Variants in EIF5A2 observed in about 807,000 individuals in gnomAD.
The protein encoded by EIF5A2 is eukaryotic translation initiation factor 5A2, also known as eukaryotic translation initiation factor 5A-2.
Under a neutral mutation model 16.4 loss-of-function variants are expected in EIF5A2, and 15 were observed. The observed-to-expected ratio is 0.92, with a 90% CI of 0.61 to 1.41. The LOEUF (loss-of-function observed/expected upper bound fraction) is 1.41. Among genes scored for constraint, EIF5A2 ranks in the 40% most tolerant of loss-of-function variants. The probability of loss-of-function intolerance (pLI) is 0.00; values close to 1 mark genes in which losing one functional copy is unlikely to be tolerated. For missense variants in EIF5A2, 144 were observed against 189.5 expected (o/e 0.76, Z 1.41); for synonymous variants, 48 against 61.1 (o/e 0.79, Z 1.00).
In EIF5A2 at chr3:170,892,753, T is replaced by G. The variant is rs1378925835; in HGVS notation, c.*607A>C. On this transcript the variant is annotated 3_prime_UTR_variant, in exon 5 of 5. Transcript: ENST00000295822. ...CCTTCTGCCAACCATAAGAAGGGAC[T>G]AAAACCACCATATAAGGTTACATCA... 2.0e-5 allele frequency: 8 copies of G among 398,504 alleles called. No homozygotes were observed. The highest frequency in any genetic ancestry group is 3.5e-5 in the Non-Finnish European group (8 of 226,072). The allele number at this position is 398,504 out of a possible 1,614,324, so 24.7% of individuals were successfully genotyped here. A position where few individuals can be genotyped will look rare whatever the true frequency, so the allele number is the denominator to read the frequency against.
intron 3 of EIF5A2, 64 bp from the exon 4 acceptor site, chr3:170,894,487 A>T: frequency 1.4e-6 from 2 of 1,470,974 alleles, no homozygotes; most frequent in South Asian, 2.5e-5. Context: ...TAATGCTTAC[A>T]TAGTTAAATT....
intron 3 of EIF5A2, among the ~76,000 whole-genome samples, chr3:170,904,653 T>G (rs879297082): frequency 5.9e-5 from 9 of 152,084 alleles, no homozygotes; most frequent in Non-Finnish European, 1.2e-4. Context: ...TACACCACCA[T>G]GCCTCGCTAA....
chr3:170,894,499 C>A (rs1712619850), intron 3 of EIF5A2, 76 bp from the exon 4 acceptor site: 4 of 1,316,198 alleles, frequency 3.0e-6, no homozygotes, highest in African/African-American at 2.9e-5. Context: ...AGTTAAATTG[C>A]AATTGATATT....
intron 3 of EIF5A2, among the ~76,000 whole-genome samples, chr3:170,895,177 T>G (rs1712639617): frequency 6.6e-6 from 1 of 152,132 alleles, no homozygotes; most frequent in Non-Finnish European, 1.5e-5. Flanking sequence ...CTATTACTGA[T>G]TTAACCAATT....
intron 3 of EIF5A2, among the ~76,000 whole-genome samples, 190 bp from the exon 4 acceptor site, chr3:170,894,613 C>T (rs902983724): frequency 1.3e-5 from 2 of 151,958 alleles, no homozygotes; most frequent in African/African-American, 4.8e-5. Context: ...AAGTTTACTC[C>T]TCCCGGTACT....
Position 170,907,841 on chromosome 3 carries a change from A to G in EIF5A2, c.-35T>C, listed in dbSNP as rs1239323957. Reference sequence around the variant, plus strand: ...GGGAGATGGTAGTTTTTCCGTGGGAACTACACAAAAAGTTTGTGTTTGCTT... The same window carrying G: ...GGGAGATGGTAGTTTTTCCGTGGGAGCTACACAAAAAGTTTGTGTTTGCTT... On this transcript the variant is annotated splice_region_variant and 5_prime_UTR_variant, in exon 2 of 5. Coordinates refer to ENST00000295822, the MANE Select transcript of EIF5A2 (RefSeq NM_020390.6). 2.7e-6 allele frequency: 4 copies of G among 1,502,928 alleles called. No homozygotes were observed. The highest frequency in any genetic ancestry group is 4.0e-5 in the Admixed American group (2 of 49,626). The allele number at this position is 1,502,928 out of a possible 1,614,324, so 93.1% of individuals were successfully genotyped here. A position where few individuals can be genotyped will look rare whatever the true frequency, so the allele number is the denominator to read the frequency against.
chr3:170,894,585 T>G (rs757717704), intron 3 of EIF5A2, among the ~76,000 whole-genome samples, 162 bp from the exon 4 acceptor site: 1 of 152,172 alleles, frequency 6.6e-6, no homozygotes, highest in Non-Finnish European at 1.5e-5. Context: ...ATATAAAATA[T>G]GTACAGAATG....
At chr3:170,904,658 C>T (rs951755831) in intron 3 of EIF5A2, among the ~76,000 whole-genome samples, 8 of 152,132 alleles carry the variant, frequency 5.3e-5, no homozygotes, top group African/African-American at 1.4e-4. Context: ...CACCATGCCT[C>T]GCTAATTTTT....
chr3:170,896,839 G>A (rs546058587), intron 3 of EIF5A2, among the ~76,000 whole-genome samples: 2 of 152,202 alleles, frequency 1.3e-5, no homozygotes, highest in Non-Finnish European at 2.9e-5. Flanking sequence ...AAAGAAAGAT[G>A]AGGGAGAATT....
At position 170,894,555 on chromosome 3, in the gene EIF5A2, A is replaced by C. The variant is rs1712620919; in HGVS notation, c.271-132T>G. 33 of 675,426 alleles carry C rather than the reference A, an allele frequency of 4.9e-5. No homozygotes were observed. The South Asian group carries it at 1.1e-3, about 22-fold the overall frequency. The allele number at this position is 675,426 out of a possible 1,614,324, so 41.8% of individuals were successfully genotyped here. A position where few individuals can be genotyped will look rare whatever the true frequency, so the allele number is the denominator to read the frequency against. On this transcript the variant is annotated intron_variant, in intron 3 of 4. Transcript: ENST00000295822. ...AATATATTAATATTCTTGGTATTTA[A>C]AATGCTAAAAATATAAAAAATATAA... is the stretch of plus-strand genomic sequence containing the variant.
chr3:170,903,995 C>G (rs989491124), intron 3 of EIF5A2, among the ~76,000 whole-genome samples: 1 of 152,170 alleles, frequency 6.6e-6, no homozygotes, highest in Non-Finnish European at 1.5e-5. Flanking sequence ...CGGCATTTAA[C>G]TTGTGGTGAA....
rs906487877 is a variant in EIF5A2 at position 170,888,625 on chromosome 3, A to G, written c.*4735T>C. 1 of 152,586 alleles carries G rather than the reference A, an allele frequency of 6.6e-6. No individual in the cohort carries two copies. The highest frequency in any genetic ancestry group is 2.4e-5 in the African/African-American group (1 of 41,442). The allele number at this position is 152,586 out of a possible 1,614,324, so 9.5% of individuals were successfully genotyped here. A position where few individuals can be genotyped will look rare whatever the true frequency, so the allele number is the denominator to read the frequency against. ...CATACTACGTATTTTAGAATTTTAA[A>G]GTTTTAGCGAAAACATTTGAGTTTC... On this transcript the variant is annotated 3_prime_UTR_variant, in exon 5 of 5. Coordinates refer to ENST00000295822, the MANE Select transcript of EIF5A2 (RefSeq NM_020390.6).
intron 3 of EIF5A2, among the ~76,000 whole-genome samples, chr3:170,900,803 C>G (rs1254740967): frequency 6.6e-6 from 1 of 152,114 alleles, no homozygotes; most frequent in East Asian, 1.9e-4. Flanking sequence ...TTAAGGCAAA[C>G]AAACAAACAA....
At chr3:170,900,572 C>G (rs1023971901) in intron 3 of EIF5A2, among the ~76,000 whole-genome samples, 22 of 152,028 alleles carry the variant, frequency 1.4e-4, no homozygotes, top group African/African-American at 5.3e-4. Flanking sequence ...TGAATAAGCT[C>G]CCACTGGCCA....
chr3:170,894,152 A>G, intron 4 of EIF5A2, 140 bp downstream of exon 4: 7 of 956,614 alleles, frequency 7.3e-6, no homozygotes, highest in Middle Eastern at 2.9e-4. Flanking sequence ...GGTTTTATGG[A>G]AAACCTGCCT....
intron 2 of EIF5A2, among the ~76,000 whole-genome samples, 191 bp from the exon 3 acceptor site, chr3:170,907,284 G>C (rs1255151237): frequency 2.0e-5 from 3 of 152,066 alleles, no homozygotes; most frequent in Admixed American, 6.5e-5. Context: ...ACAGTATCAC[G>C]ACATGTCAAG....
At chr3:170,906,370 A>G (rs544190240) in intron 3 of EIF5A2, among the ~76,000 whole-genome samples, 2 of 152,176 alleles carry the variant, frequency 1.3e-5, no homozygotes, top group South Asian at 2.1e-4. Context: ...TGGAACTAAA[A>G]CTTGAAATTT....
chr3:170,897,477 C>T (rs973834510), intron 3 of EIF5A2, among the ~76,000 whole-genome samples: 4 of 152,182 alleles, frequency 2.6e-5, no homozygotes, highest in African/African-American at 9.6e-5. Context: ...TGCCCTGTGT[C>T]CCAGCCACTC....
chr3:170,893,396 A>G lies in EIF5A2; in HGVS notation c.426T>C (p.Ser142=). ...GTTTTATGGCTACAGCATATTCTTC[A>G]CTCATTGCACACATGACAGACACCT... ...DVQVSVMCAM[S]EEYAVAIKPC... is the part of the protein sequence containing the mutation. The change falls in exon 5 of 5, where the codon AGT becomes AGC. Residue 142 remains serine (S), a synonymous_variant. Transcript: ENST00000295822. The G allele has an allele frequency of 2.5e-6, 4 of 1,613,880 alleles. No individual in the cohort carries two copies. The highest frequency in any genetic ancestry group is 3.4e-6 in the Non-Finnish European group (4 of 1,179,962).
Sources: gnomAD v4.1 joint callset for allele counts (sites outside exome capture counted in the v4.1 genomes callset) on GRCh38, gnomAD v4.1.1 for gene constraint, MANE v1.5 for transcripts, NCBI Gene and HGNC (gene_info 2026-07-23, HGNC 2026-07-21) for gene names.